The following NLGN1 variants were observed in gnomAD, a reference collection of about 807,000 sequenced individuals.
NLGN1 encodes neuroligin-1.
NLGN1 carries 12 observed loss-of-function variants against 65.5 expected under a neutral mutation model. The ratio of observed to expected loss-of-function variants is 0.18; its 90% confidence interval spans 0.12 to 0.30. NLGN1 has a LOEUF of 0.30. NLGN1 is among the 10% of genes least tolerant of loss of function. NLGN1 has a pLI of 1.00. For missense variants in NLGN1, 750 were observed against 1,007.1 expected, an observed-to-expected ratio of 0.74 and a Z score of 3.46; for synonymous variants, 350 against 359.5, an observed-to-expected ratio of 0.97 and a Z score of 0.30.
At chr3:174,265,924 A>G (rs9859497) in intron 4 of NLGN1, among the ~76,000 whole-genome samples, 5 of 130,170 alleles carry the variant, frequency 3.8e-5, no homozygotes, top group South Asian at 2.5e-4. Context: ...GTATATATGT[A>G]TATATGTGTA....
intron 4 of NLGN1, among the ~76,000 whole-genome samples, chr3:173,993,781 T>C (rs1281423175): frequency 6.6e-6 from 1 of 151,934 alleles, no homozygotes; most frequent in Non-Finnish European, 1.5e-5. Flanking sequence ...TATATATATA[T>C]AAATGGTATA....
intron 3 of NLGN1, among the ~76,000 whole-genome samples, chr3:173,633,680 G>A (rs2149553170): frequency 6.6e-6 from 1 of 152,204 alleles, no homozygotes; most frequent in Non-Finnish European, 1.5e-5. Context: ...AGCCCTTTGG[G>A]CTTTTCTGAG....
intron 4 of NLGN1, among the ~76,000 whole-genome samples, chr3:174,166,254 T>C (rs1372955154): frequency 2.0e-5 from 3 of 152,112 alleles, no homozygotes; most frequent in East Asian, 1.9e-4. Context: ...TAGTTTTTTC[T>C]TGTTTTTCTA....
At chr3:174,103,449 T>C (rs998856274) in intron 4 of NLGN1, among the ~76,000 whole-genome samples, 3 of 152,176 alleles carry the variant, frequency 2.0e-5, no homozygotes, top group Admixed American at 1.3e-4. Context: ...CCATCATACA[T>C]AGCCAGAGAA....
intron 2 of NLGN1, among the ~76,000 whole-genome samples, chr3:173,544,883 A>C (rs1447770896): frequency 6.6e-6 from 1 of 152,154 alleles, no homozygotes; most frequent in African/African-American, 2.4e-5. Context: ...CGGGAGGGAG[A>C]GGTATCACAA....
In NLGN1 at chr3:173,613,644, C is replaced by T. The variant is rs568853859; in HGVS notation, c.493+8553C>T. Among the ~76,000 whole-genome samples the T allele has an allele frequency of 1.9e-4, 29 of 152,066 alleles. No homozygotes were observed. In the South Asian group the frequency reaches 4.2e-3, roughly 22 times the overall value. On this transcript the variant is annotated intron_variant, in intron 3 of 6. Coordinates refer to ENST00000457714, the Ensembl canonical transcript of NLGN1. ...ATATTATTGCTTTTCAGTTCTGTTC[C>T]ATTTGTTACTTTAGGGAATTGAACA... is the stretch of plus-strand genomic sequence containing the variant.
At chr3:173,966,943 A>T (rs1391203042) in intron 4 of NLGN1, among the ~76,000 whole-genome samples, 1 of 152,224 alleles carries the variant, frequency 6.6e-6, no homozygotes, top group Non-Finnish European at 1.5e-5. Context: ...AAATATCTTT[A>T]GTAGTTGAAT....
intron 2 of NLGN1, among the ~76,000 whole-genome samples, chr3:173,602,164 T>C (rs1403898996): frequency 2.0e-5 from 3 of 152,176 alleles, no homozygotes; most frequent in South Asian, 2.1e-4. Flanking sequence ...ATCCACTTCA[T>C]AGGGTTGTAA....
chr3:174,056,857 G>A (rs2152511736), intron 4 of NLGN1, among the ~76,000 whole-genome samples: 1 of 151,882 alleles, frequency 6.6e-6, no homozygotes, highest in South Asian at 2.1e-4. Flanking sequence ...TTCATCTTTG[G>A]ATGTTTTCAT....
At chr3:173,919,256 C>T (rs1019073279) in intron 4 of NLGN1, among the ~76,000 whole-genome samples, 2 of 152,106 alleles carry the variant, frequency 1.3e-5, no homozygotes, top group Non-Finnish European at 2.9e-5. Flanking sequence ...GTATCTGCTA[C>T]AGAGAATATG....
At chr3:173,617,318 G>C (rs891515131) in intron 3 of NLGN1, among the ~76,000 whole-genome samples, 1 of 152,054 alleles carries the variant, frequency 6.6e-6, no homozygotes, top group African/African-American at 2.4e-5. Flanking sequence ...CTCTCTCACT[G>C]CCCCAGAAGA....
chr3:173,452,262 C>T (rs1354526587), intron 2 of NLGN1, among the ~76,000 whole-genome samples: 1 of 151,502 alleles, frequency 6.6e-6, no homozygotes, highest in African/African-American at 2.4e-5. Flanking sequence ...GTGGCGCGAT[C>T]TTGGCTCACT....
chr3:174,045,052 A>G (rs887186121), intron 4 of NLGN1, among the ~76,000 whole-genome samples: 51 of 152,140 alleles, frequency 3.4e-4, no homozygotes, highest in African/African-American at 1.2e-3. Context: ...CAGCATGAGA[A>G]TGGACTAATA....
chr3:174,067,512 T>C (rs765900474), intron 4 of NLGN1, among the ~76,000 whole-genome samples: 2 of 152,190 alleles, frequency 1.3e-5, no homozygotes, highest in African/African-American at 2.4e-5. Flanking sequence ...GGTGTTTTCT[T>C]TCTTCTACCG....
chr3:173,727,274 C>G (rs1047367950), intron 3 of NLGN1, among the ~76,000 whole-genome samples: 1 of 152,014 alleles, frequency 6.6e-6, no homozygotes, highest in Non-Finnish European at 1.5e-5. Flanking sequence ...CTTAAATGAC[C>G]GTTCCCAGAA....
chr3:173,551,759 CAT>C (rs1299464515), intron 2 of NLGN1, among the ~76,000 whole-genome samples: 2 of 152,152 alleles, frequency 1.3e-5, no homozygotes. Context: ...ATTTACTACT[CAT>C]GTGACCCCCA....
intron 4 of NLGN1, among the ~76,000 whole-genome samples, chr3:174,251,135 T>C (rs1238056312): frequency 6.6e-6 from 1 of 152,212 alleles, no homozygotes; most frequent in Non-Finnish European, 1.5e-5. Flanking sequence ...AGGAAAATGC[T>C]ATATTTATAA....
intron 4 of NLGN1, among the ~76,000 whole-genome samples, chr3:173,908,650 G>T (rs915131041): frequency 6.6e-6 from 1 of 152,198 alleles, no homozygotes; most frequent in Non-Finnish European, 1.5e-5. Flanking sequence ...CAGCCTACGT[G>T]TAGCAACATC....
At chr3:173,839,176 A>C (rs1724270010) in intron 4 of NLGN1, among the ~76,000 whole-genome samples, 1 of 151,112 alleles carries the variant, frequency 6.6e-6, no homozygotes, top group Admixed American at 6.6e-5. Flanking sequence ...ACAAAAATCC[A>C]TCACCCTTTT....
Sources: gnomAD v4.1 joint callset for allele counts (sites outside exome capture counted in the v4.1 genomes callset) on GRCh38, gnomAD v4.1.1 for gene constraint, MANE v1.5 for transcripts, NCBI Gene and HGNC (gene_info 2026-07-23, HGNC 2026-07-21) for gene names.